Variants in ZNF737 observed in about 807,000 individuals in gnomAD.
ZNF737 encodes zinc finger protein 102 (Y3).
A neutral mutation model predicts 11.7 loss-of-function variants in ZNF737; 13 were observed. The ratio of observed to expected loss-of-function variants is 1.11; its 90% CI spans 0.73 to 1.77. ZNF737 has a LOEUF of 1.77. ZNF737 is among the 40% of genes most tolerant of loss of function. ZNF737 has a pLI of 0.00. For synonymous variants in ZNF737, 217 were observed against 216.2 expected (o/e 1.00, Z -0.03); for missense variants, 636 against 638.0 (o/e 1.00, Z 0.03).
chr19:20,559,847 A>G (rs557345203), intron 1 of ZNF737, among the ~76,000 whole-genome samples: 2 of 152,246 alleles, frequency 1.3e-5, no homozygotes, highest in Admixed American at 6.5e-5. Context: ...GGCCCTAAAT[A>G]CCTATCAGTG....
At position 20,553,972 on chromosome 19, in the gene ZNF737, T is replaced by C. The variant is rs1233771047; in HGVS notation, c.4-137A>G. On this transcript the variant is annotated intron_variant, in intron 1 of 3. Transcript: ENST00000427401. ...GACTAAAATTATCCAATAAAATAAC[T>C]TTCAACACAGAAATATTCTCTAAAG... 3 of 1,034,594 alleles carry C rather than the reference T, an allele frequency of 2.9e-6. No homozygotes were observed. The African/African-American group carries it at 4.9e-5, about 17-fold the overall frequency. The allele number at this position is 1,034,594 out of a possible 1,614,324, so 64.1% of individuals were successfully genotyped here.
Position 20,542,082 on chromosome 19 carries a change from A to G in ZNF737, c.*2510T>C. On this transcript the variant is annotated 3_prime_UTR_variant, in exon 4 of 4. Coordinates refer to ENST00000427401, the MANE Select transcript of ZNF737 (RefSeq NM_001159293.2). ...TGATTACTAAAGATGTTATTTTACA[A>G]TGTATGAAATAGTATATTCCTACAA... 1.0e-6 allele frequency: 1 copy of G among 985,190 alleles called. No homozygotes were observed. Among genetic ancestry groups the G allele is most frequent in the Non-Finnish European group, 1.2e-6 (1 of 829,710 alleles). 61.0% of individuals were successfully genotyped at this position (985,190 alleles called of 1,614,324 possible).
In ZNF737 at chr19:20,545,326, C is replaced by G. The variant is rs1555756600; in HGVS notation, c.877G>C (p.Ala293Pro). Reference sequence around the variant, plus strand: ...GTAAGGATAGAGGAGCGCTTAAAGGCCTTGCCACATTCTTCACATTTGTAG... The same window carrying G: ...GTAAGGATAGAGGAGCGCTTAAAGGGCTTGCCACATTCTTCACATTTGTAG... The part of the protein sequence containing the change: ...KPYKCEECGK[A>P]FKRSSILTAH... The change falls in exon 4 of 4, where the codon GCC becomes CCC. Residue 293 changes from alanine to proline, a missense_variant. Physicochemically the swap from Ala to Pro is conservative, Grantham distance 27. Transcript: ENST00000427401. The G allele has an allele frequency of 1.9e-6, 3 of 1,613,210 alleles. No homozygotes were observed. Among genetic ancestry groups the G allele is most frequent in the South Asian group, 1.1e-5 (1 of 90,912 alleles).
At chr19:20,530,939 T>A (rs1473808077), downstream of ZNF737, among the ~76,000 whole-genome samples, 1 of 148,698 alleles carries the variant, frequency 6.7e-6, no homozygotes, top group African/African-American at 2.5e-5. Flanking sequence ...CTGGGCACCA[T>A]TGAGCACTGA....
intron 1 of ZNF737, among the ~76,000 whole-genome samples, chr19:20,557,201 T>C (rs1163061486): frequency 2.0e-5 from 3 of 152,154 alleles, no homozygotes; most frequent in African/African-American, 7.2e-5. Flanking sequence ...ATTAAAAAAC[T>C]AGGACCCTAA....
downstream of ZNF737, among the ~76,000 whole-genome samples, chr19:20,537,817 AT>A (rs539797481): frequency 1.3e-5 from 2 of 151,642 alleles, no homozygotes; most frequent in Non-Finnish European, 2.9e-5. Context: ...ACCCAGCCCT[AT>A]TTTTTTTCTA....
At chr19:20,547,995 AGCTTGG>A (rs1968518387) in intron 3 of ZNF737, among the ~76,000 whole-genome samples, 2 of 152,152 alleles carry the variant, frequency 1.3e-5, no homozygotes. Context: ...ATAAAAGATT[AGCTTGG>A]CGATGTGACG....
chr19:20,565,719 G>C lies in ZNF737; in HGVS notation c.-79C>G. The C allele has an allele frequency of 6.3e-7, 1 of 1,599,858 alleles. No individual in the cohort carries two copies. Among genetic ancestry groups the C allele is most frequent in the Middle Eastern group, 1.7e-4 (1 of 6,028 alleles). ...GCAGGACACAGGGCCACAGAGGCTG[G>C]GCCTCTAGGAGCAGAGGACACACAG... On this transcript the variant is annotated 5_prime_UTR_variant, in exon 1 of 4. Coordinates refer to ENST00000427401, the MANE Select transcript of ZNF737 (RefSeq NM_001159293.2).
intron 1 of ZNF737, among the ~76,000 whole-genome samples, chr19:20,559,742 G>C (rs371856090): frequency 2.6e-5 from 4 of 152,140 alleles, no homozygotes; most frequent in African/African-American, 9.7e-5. Context: ...TCATAATTGG[G>C]TATATACCCA....
the ZNF737 span, among the ~76,000 whole-genome samples, chr19:20,530,483 CGGGTGGAGGGGCTCCTCACTTCTCAGATG>C: frequency 3.4e-5 from 5 of 148,128 alleles, no homozygotes; most frequent in Admixed American, 6.7e-5. Flanking sequence ...GGGTGGCAGC[CGGGTGGAGGGGCTCCTCACTTCTCAGATG>C]GGGCGGTTGC....
At chr19:20,554,091 A>G (rs1285329146) in intron 1 of ZNF737, among the ~76,000 whole-genome samples, 2 of 152,258 alleles carry the variant, frequency 1.3e-5, no homozygotes, top group Non-Finnish European at 2.9e-5. Context: ...TATGAACACG[A>G]ACATGTACAT....
downstream of ZNF737, among the ~76,000 whole-genome samples, chr19:20,537,191 G>GT (rs113521016): frequency 0.16 from 24,071 of 145,912 alleles, 2,421 homozygotes; most frequent in African/African-American, 0.29. Flanking sequence ...TAAGGTACTG[G>GT]TTTTTTTTTT....
intron 1 of ZNF737, among the ~76,000 whole-genome samples, chr19:20,561,043 CA>C (rs1568437122): frequency 6.6e-6 from 1 of 151,934 alleles, no homozygotes; most frequent in Non-Finnish European, 1.5e-5. Context: ...ATGTGTACCC[CA>C]AAACAAAAAT....
rs1406937960 is a variant in ZNF737 at position 20,550,180 on chromosome 19, AGC to A, written c.226+2293_226+2294del. Among the ~76,000 whole-genome samples the A allele has an allele frequency of 2.6e-5, 4 of 152,290 alleles. No homozygotes were observed. In the East Asian group the frequency reaches 7.7e-4, roughly 29 times the overall value. ...GAAACTGCTGTAATCAAACATTGGA[AGC>A]AAAGAGTACCCTTACATTGTTAAAT... On this transcript the variant is annotated intron_variant, in intron 3 of 3. Coordinates refer to ENST00000427401, the MANE Select transcript of ZNF737 (RefSeq NM_001159293.2).
In ZNF737 at chr19:20,545,295, T is replaced by G; in HGVS notation, c.908A>C (p.His303Pro). 1 of 1,613,310 alleles carries G rather than the reference T, an allele frequency of 6.2e-7. No individual in the cohort carries two copies. The highest frequency in any genetic ancestry group is 8.5e-7 in the Non-Finnish European group (1 of 1,179,678). Residue 303 changes from histidine (H) to proline (P), a missense_variant, in exon 4 of 4, where the codon CAT becomes CCT. Transcript: ENST00000427401. ...TTTCTCTCCGCTATGAATTATCTTA[T>G]GCGCAGTAAGGATAGAGGAGCGCTT... Reference protein sequence around the residue: ...AFKRSSILTAHKIIHSGEKPY... With the variant: ...AFKRSSILTAPKIIHSGEKPY...
chr19:20,537,392 G>C (rs1303541273), downstream of ZNF737, among the ~76,000 whole-genome samples: 2 of 151,758 alleles, frequency 1.3e-5, no homozygotes, highest in East Asian at 3.9e-4. Flanking sequence ...AGTAGAGATG[G>C]GGTTTCACCA....
chr19:20,545,452 G>T lies in ZNF737; in HGVS notation c.751C>A (p.His251Asn). The T allele has an allele frequency of 1.9e-6, 3 of 1,613,776 alleles. No individual in the cohort carries two copies. Among genetic ancestry groups the T allele is most frequent in the Non-Finnish European group, 2.5e-6 (3 of 1,179,896 alleles). ...FSYLTAHKII[H>N]SGEKPYKCEE... The stretch of plus-strand genomic sequence containing the variant: ...CATTTGTAGGGTTTCTCTCCACTAT[G>T]AATTATCTTATGTGCAGTAAGGTAT... Residue 251 changes from histidine to asparagine, a missense_variant, in exon 4 of 4, where the codon CAT becomes AAT. Physicochemically the swap from His to Asn is moderately conservative, Grantham distance 68 (BLOSUM62 1). Coordinates refer to ENST00000427401, the MANE Select transcript of ZNF737 (RefSeq NM_001159293.2).
In ZNF737 at chr19:20,541,959, T is replaced by C. The variant is rs1160835971; in HGVS notation, c.*2633A>G. 50 of 921,780 alleles carry C rather than the reference T, an allele frequency of 5.4e-5. No homozygotes were observed. The highest frequency in any genetic ancestry group is 1.2e-4 in the East Asian group (1 of 8,500). The allele number at this position is 921,780 out of a possible 1,614,324, so 57.1% of individuals were successfully genotyped here. On this transcript the variant is annotated 3_prime_UTR_variant, in exon 4 of 4. Coordinates refer to ENST00000427401, the MANE Select transcript of ZNF737 (RefSeq NM_001159293.2). Reference sequence around the variant, plus strand: ...GGCATAAATATATACACATATTATATACCCACGAATACAAATAAAAAATTT... The same window carrying C: ...GGCATAAATATATACACATATTATACACCCACGAATACAAATAAAAAATTT...
chr19:20,560,321 C>A (rs1205797179), intron 1 of ZNF737, among the ~76,000 whole-genome samples: 1 of 151,882 alleles, frequency 6.6e-6, no homozygotes, highest in Non-Finnish European at 1.5e-5. Context: ...GGCACTCTAG[C>A]CTGGGCAATA....
Sources: gnomAD v4.1 joint callset for allele counts (sites outside exome capture counted in the v4.1 genomes callset) on GRCh38, gnomAD v4.1.1 for gene constraint, MANE v1.5 for transcripts, NCBI Gene and HGNC (gene_info 2026-07-23, HGNC 2026-07-21) for gene names.